Variants in HSPA4 observed in about 807,000 individuals in gnomAD.
The protein encoded by HSPA4 is heat shock protein family A (Hsp70) member 4.
In HSPA4, 25 loss-of-function variants were observed where a neutral mutation model predicts 106.2. That is an observed-to-expected ratio of 0.24 (90% confidence interval 0.17 to 0.33). The LOEUF (loss-of-function observed/expected upper bound fraction) is 0.33. HSPA4 is among the 10% of genes least tolerant of loss of function. The pLI is 1.00. For missense variants in HSPA4, 841 were observed against 996.0 expected (o/e 0.84, Z 2.10); for synonymous variants, 332 against 333.6 (o/e 1.00, Z 0.05).
At chr5:133,092,051 G>A (rs1488059301) in intron 12 of HSPA4, among the ~76,000 whole-genome samples, 1 of 151,552 alleles carries the variant, frequency 6.6e-6, no homozygotes, top group African/African-American at 2.4e-5. Flanking sequence ...CCTGCCTCAA[G>A]GAAAACAAAA....
chr5:133,092,512 T>C (rs577185323), intron 12 of HSPA4, among the ~76,000 whole-genome samples, 188 bp from the exon 13 acceptor site: 2 of 152,284 alleles, frequency 1.3e-5, no homozygotes, highest in South Asian at 4.1e-4. Flanking sequence ...ATTGTACAGA[T>C]GTATTAACTA....
chr5:133,100,671 G>A (rs1488859127), intron 16 of HSPA4, among the ~76,000 whole-genome samples: 1 of 152,180 alleles, frequency 6.6e-6, no homozygotes, highest in Non-Finnish European at 1.5e-5. Context: ...TGTAGTCCCA[G>A]CATCTGATCT....
At chr5:133,056,590 G>T (rs1765167860) in intron 1 of HSPA4, among the ~76,000 whole-genome samples, 2 of 152,142 alleles carry the variant, frequency 1.3e-5, no homozygotes, top group South Asian at 2.1e-4. Context: ...CTTTATTATG[G>T]CTCTAACACG....
At chr5:133,058,071 A>C (rs113267721) in intron 1 of HSPA4, among the ~76,000 whole-genome samples, 2,373 of 152,336 alleles carry the variant, frequency 0.016, 30 homozygotes, top group Middle Eastern at 0.037. Context: ...TAAAGGATTC[A>C]GATAGTTTGA....
chr5:133,087,151 G>A lies in HSPA4; in HGVS notation c.985+293G>A, dbSNP rs532926728. ...AAATTGTCTTTTGCGATGCTGATAT[G>A]GTAGTCTTATAAGCTTTTCTGTCAG... On this transcript the variant is annotated intron_variant, in intron 8 of 18. Transcript: ENST00000304858. 2.0e-3 allele frequency among the ~76,000 whole-genome samples: 298 copies of A among 152,206 alleles called. 2 individuals are homozygous for A. The highest frequency in any genetic ancestry group is 6.7e-3 in the African/African-American group (279 of 41,548).
At chr5:133,062,773 G>GTA (rs1765259537) in intron 1 of HSPA4, among the ~76,000 whole-genome samples, 1 of 152,150 alleles carries the variant, frequency 6.6e-6, no homozygotes, top group African/African-American at 2.4e-5. Flanking sequence ...TCATTTAATA[G>GTA]AAGTCATGGC....
At chr5:133,085,489 T>TTAAAAAAAAA (rs1554089513) in intron 7 of HSPA4, among the ~76,000 whole-genome samples, 4 of 110,286 alleles carry the variant, frequency 3.6e-5, no homozygotes, top group African/African-American at 2.0e-4. Flanking sequence ...CCATCTCTAC[T>TTAAAAAAAAA]AAAAAAAAAA....
At position 133,052,341 on chromosome 5, in the gene HSPA4, A is replaced by G. The variant is rs1488215140; in HGVS notation, c.91A>G (p.Ser31Gly). 5.1e-6 allele frequency: 8 copies of G among 1,567,222 alleles called. No individual in the cohort carries two copies. Among genetic ancestry groups the G allele is most frequent in the Non-Finnish European group, 6.9e-6 (8 of 1,158,994 alleles). ...CATCGAGACTATCGCTAATGAGTAT[A>G]GCGACCGCTGCACGCCGTAAGTGTG... ...GGIETIANEY[S>G]DRCTPACISF... Residue 31 changes from serine (S) to glycine (G), a missense_variant, in exon 1 of 19, where the codon AGC becomes GGC. Around this residue, in one of 5 missense-constraint regions of HSPA4, gnomAD observed 347 missense variants for 408.7 expected, o/e 0.85. Coordinates refer to ENST00000304858, the MANE Select transcript of HSPA4 (RefSeq NM_002154.4).
intron 7 of HSPA4, among the ~76,000 whole-genome samples, chr5:133,077,458 A>G (rs1266708651): frequency 6.6e-6 from 1 of 152,168 alleles, no homozygotes. Flanking sequence ...GGCTGGTCTC[A>G]AACTCCTGAC....
chr5:133,056,374 C>T (rs541725105), intron 1 of HSPA4, among the ~76,000 whole-genome samples: 14 of 152,116 alleles, frequency 9.2e-5, no homozygotes, highest in Non-Finnish European at 1.5e-4. Context: ...TTTTTTGACA[C>T]GGAGTCTGGC....
At chr5:133,092,926 T>C in intron 13 of HSPA4, 137 bp downstream of exon 13, 1 of 574,132 alleles carries the variant, frequency 1.7e-6, no homozygotes, top group South Asian at 2.4e-5. Context: ...GTTCAAGTGA[T>C]TCTCCTACCT....
At chr5:133,092,528 C>T (rs1765658842) in intron 12 of HSPA4, among the ~76,000 whole-genome samples, 172 bp from the exon 13 acceptor site, 1 of 152,124 alleles carries the variant, frequency 6.6e-6, no homozygotes, top group Non-Finnish European at 1.5e-5. Flanking sequence ...AACTAAGATC[C>T]AGAGCGGAAA....
chr5:133,072,797 C>T (rs1765401595), intron 4 of HSPA4, among the ~76,000 whole-genome samples: 2 of 152,134 alleles, frequency 1.3e-5, no homozygotes, highest in Non-Finnish European at 2.9e-5. Context: ...AGCCGGTAGT[C>T]AGCACAAGCT....
chr5:133,091,440 C>A, intron 12 of HSPA4, 66 bp downstream of exon 12: 1 of 1,290,898 alleles, frequency 7.7e-7, no homozygotes, highest in Non-Finnish European at 1.1e-6. Flanking sequence ...TTGTAGCAAG[C>A]AGACTTGGTG....
chr5:133,099,216 G>A (rs1765754964), intron 15 of HSPA4, among the ~76,000 whole-genome samples: 1 of 152,054 alleles, frequency 6.6e-6, no homozygotes, highest in Admixed American at 6.6e-5. Flanking sequence ...TGCAACCTCC[G>A]CCTCCTGAGT....
chr5:133,093,727 G>A lies in HSPA4; in HGVS notation c.1650+938G>A, dbSNP rs189770455. Among the ~76,000 whole-genome samples the A allele has an allele frequency of 4.9e-3, 740 of 152,176 alleles. 2 individuals are homozygous for A. Among genetic ancestry groups the A allele is most frequent in the Non-Finnish European group, 7.4e-3 (502 of 68,002 alleles). ...GCTGGTGTTGAACTCCTGACCTCAAGTGATCCTCCCACTTCAGCACCCTGG... is the reference window on the plus strand; with the variant it reads ...GCTGGTGTTGAACTCCTGACCTCAAATGATCCTCCCACTTCAGCACCCTGG... On this transcript the variant is annotated intron_variant, in intron 13 of 18. Coordinates refer to ENST00000304858, the MANE Select transcript of HSPA4 (RefSeq NM_002154.4).
At chr5:133,098,572 C>T (rs1218597427) in intron 15 of HSPA4, among the ~76,000 whole-genome samples, 1 of 152,112 alleles carries the variant, frequency 6.6e-6, no homozygotes, top group Non-Finnish European at 1.5e-5. Flanking sequence ...ATCCACCTGC[C>T]TCGGCCTCCC....
At chr5:133,073,864 A>G (rs989140803) in intron 5 of HSPA4, 129 bp from the exon 6 acceptor site, 116 of 544,996 alleles carry the variant, frequency 2.1e-4, no homozygotes, top group Non-Finnish European at 3.2e-4. Context: ...CAGTGCTTAT[A>G]AAGAATTTGA....
At position 133,105,515 on chromosome 5, in the gene HSPA4, T is replaced by C. The variant is rs943484741; in HGVS notation, c.*1079T>C. On this transcript the variant is annotated 3_prime_UTR_variant, in exon 19 of 19. Coordinates refer to ENST00000304858, the MANE Select transcript of HSPA4 (RefSeq NM_002154.4). ...TGCCTGATGTTATAACAACACCTCA[T>C]TCTTAACTGTGTGGCCAATGTCAGG... is the stretch of plus-strand genomic sequence containing the variant. The C allele has an allele frequency of 6.6e-6, 1 of 152,198 alleles. No homozygotes were observed. The highest frequency in any genetic ancestry group is 1.5e-5 in the Non-Finnish European group (1 of 68,042). The allele number at this position is 152,198 out of a possible 1,614,324, so 9.4% of individuals were successfully genotyped here.
Sources: allele counts gnomAD v4.1 joint callset (sites outside exome capture counted in the v4.1 genomes callset), GRCh38; gene constraint gnomAD v4.1.1; regional missense constraint gnomAD v4.1.1; transcripts MANE v1.5; gene names NCBI Gene and HGNC (gene_info 2026-07-23, HGNC 2026-07-21).